The following GNAQ variants were observed in gnomAD, a reference collection of about 807,000 sequenced individuals.
GNAQ encodes the protein G protein subunit alpha q, also known as guanine nucleotide-binding protein G(q) subunit alpha.
In GNAQ, 8 loss-of-function variants were observed where a neutral mutation model predicts 43.9. The ratio of observed to expected loss-of-function variants is 0.18; its 90% CI spans 0.11 to 0.33. The LOEUF (loss-of-function observed/expected upper bound fraction) is 0.33, where lower values mean the gene tolerates loss of function less well. Ranked by LOEUF, GNAQ falls within the 10% of genes least tolerant of loss-of-function variation. GNAQ has a pLI of 1.00. For missense variants in GNAQ, 158 were observed against 450.8 expected, an observed-to-expected ratio of 0.35 and a Z score of 5.88; for synonymous variants, 155 against 170.7, an observed-to-expected ratio of 0.91 and a Z score of 0.71.
intron 2 of GNAQ, among the ~76,000 whole-genome samples, chr9:77,904,126 T>G (rs1828663050): frequency 6.6e-6 from 1 of 152,112 alleles, no homozygotes; most frequent in African/African-American, 2.4e-5. Flanking sequence ...GCTGAACACT[T>G]GCTAGAGCAA....
intron 2 of GNAQ, among the ~76,000 whole-genome samples, chr9:77,840,003 C>T (rs1013012904): frequency 1.1e-4 from 17 of 152,298 alleles, no homozygotes; most frequent in African/African-American, 4.1e-4. Context: ...GAGAGCATAA[C>T]CTTTCCAAAT....
chr9:78,000,174 G>T (rs771920381), intron 1 of GNAQ, among the ~76,000 whole-genome samples: 3 of 152,058 alleles, frequency 2.0e-5, no homozygotes, highest in African/African-American at 4.8e-5. Context: ...TAAAAAGAGG[G>T]TAATTAGCAT....
intron 2 of GNAQ, among the ~76,000 whole-genome samples, chr9:77,825,843 C>T (rs1827186286): frequency 6.6e-6 from 1 of 152,126 alleles, no homozygotes; most frequent in African/African-American, 2.4e-5. Flanking sequence ...CTCAGGCAAA[C>T]TAGGACTTAT....
intron 5 of GNAQ, among the ~76,000 whole-genome samples, chr9:77,776,027 A>G (rs1451676067): frequency 6.6e-6 from 1 of 152,258 alleles, no homozygotes; most frequent in Non-Finnish European, 1.5e-5. Flanking sequence ...TCTTTCCACA[A>G]AAGTGGCAAA....
chr9:77,901,580 T>G (rs1344782244), intron 2 of GNAQ, among the ~76,000 whole-genome samples: 1 of 152,130 alleles, frequency 6.6e-6, no homozygotes, highest in Non-Finnish European at 1.5e-5. Flanking sequence ...CCTCAATGTC[T>G]TATAAGTGTC....
chr9:77,899,832 T>TCTGTG, intron 2 of GNAQ, among the ~76,000 whole-genome samples: 3 of 152,138 alleles, frequency 2.0e-5, no homozygotes, highest in African/African-American at 7.2e-5. Flanking sequence ...TAAGCACATA[T>TCTGTG]CAAATGCACG....
At chr9:77,807,892 C>T (rs1172091013) in intron 3 of GNAQ, among the ~76,000 whole-genome samples, 1 of 152,110 alleles carries the variant, frequency 6.6e-6, no homozygotes, top group Non-Finnish European at 1.5e-5. Context: ...CCCGTTGGGT[C>T]CAAAGCAGCT....
In GNAQ at chr9:77,821,703, ATGT is replaced by A. The variant is rs1020743548; in HGVS notation, c.322-5936_322-5934del. On this transcript the variant is annotated intron_variant, in intron 2 of 6. Coordinates refer to ENST00000286548, the MANE Select transcript of GNAQ (RefSeq NM_002072.5). The stretch of plus-strand genomic sequence containing the variant: ...TTCTACTATTATCTTCATAATTATG[ATGT>A]TGTACTATCCTAGTATGGGTGTGTG... 8.8e-5 allele frequency among the ~76,000 whole-genome samples: 13 copies of A among 147,402 alleles called. No individual in the cohort carries two copies. In the East Asian group the frequency reaches 1.2e-3, roughly 14 times the overall value.
chr9:77,739,159 C>T lies in GNAQ; in HGVS notation c.736-10492G>A, dbSNP rs56188115. ...ACTCGTTTGATTGTTTCCTCTTAAG[C>T]GGGAGAGCTACCCTTTTAGAATCTT... On this transcript the variant is annotated intron_variant, in intron 5 of 6. Coordinates refer to ENST00000286548, the MANE Select transcript of GNAQ (RefSeq NM_002072.5). Among the ~76,000 whole-genome samples, 913 of 152,116 alleles carry T rather than the reference C, an allele frequency of 6.0e-3. 10 individuals carry two copies. The highest frequency in any genetic ancestry group is 0.021 in the African/African-American group (883 of 41,488).
intron 5 of GNAQ, among the ~76,000 whole-genome samples, chr9:77,749,548 A>G (rs185734394): frequency 2.0e-5 from 3 of 152,330 alleles, no homozygotes. Context: ...AATATACTAA[A>G]TGCATATAAT....
rs537761324 is a variant in GNAQ, at chr9:77,890,448, G to C, written c.321+31713C>G. Among the ~76,000 whole-genome samples the C allele has an allele frequency of 4.6e-5, 7 of 152,336 alleles. No homozygotes were observed. The East Asian group carries it at 7.7e-4, about 17-fold the overall frequency. On this transcript the variant is annotated intron_variant, in intron 2 of 6. Transcript: ENST00000286548. ...TCATAAAACTGCATTGCAAGGCTGG[G>C]CACAGTGGCTCATGCCTGTAATCCT...
chr9:77,989,608 C>T (rs1372218035), intron 1 of GNAQ, among the ~76,000 whole-genome samples: 2 of 152,202 alleles, frequency 1.3e-5, no homozygotes, highest in African/African-American at 4.8e-5. Flanking sequence ...AGCTGGAAGC[C>T]CTGTGGCGGG....
At chr9:77,762,164 G>A (rs1490311399) in intron 5 of GNAQ, among the ~76,000 whole-genome samples, 1 of 138,170 alleles carries the variant, frequency 7.2e-6, no homozygotes. Context: ...CCGTCCGGGA[G>A]GTGAGGGGCG....
chr9:77,968,070 G>A lies in GNAQ; in HGVS notation c.137-45725C>T, dbSNP rs578001098. 2.6e-5 allele frequency among the ~76,000 whole-genome samples: 4 copies of A among 152,238 alleles called. No homozygotes were observed. The East Asian group carries it at 7.7e-4, about 29-fold the overall frequency. ...ATTCTGCAATTAGATGGTGGTAATG[G>A]TTGCACAACTCTGCGAGTATACTAT... is the stretch of plus-strand genomic sequence containing the variant. On this transcript the variant is annotated intron_variant, in intron 1 of 6. Coordinates refer to ENST00000286548, the MANE Select transcript of GNAQ (RefSeq NM_002072.5).
At chr9:77,936,086 C>T (rs11145619) in intron 1 of GNAQ, among the ~76,000 whole-genome samples, 46,038 of 152,014 alleles carry the variant, frequency 0.3, 7,119 homozygotes, top group South Asian at 0.43. Context: ...GAAAGTACAT[C>T]GGTGCATTTT....
chr9:77,987,686 A>G (rs979246222), intron 1 of GNAQ, among the ~76,000 whole-genome samples: 1 of 152,138 alleles, frequency 6.6e-6, no homozygotes, highest in Non-Finnish European at 1.5e-5. Context: ...AATATAGACA[A>G]AATCTCTCAG....
At chr9:77,951,549 G>A (rs1822977995) in intron 1 of GNAQ, among the ~76,000 whole-genome samples, 1 of 152,084 alleles carries the variant, frequency 6.6e-6, no homozygotes, top group East Asian at 1.9e-4. Context: ...CAACTTTATA[G>A]TTTATTTACT....
intron 2 of GNAQ, among the ~76,000 whole-genome samples, chr9:77,853,824 A>G (rs927318022): frequency 2.7e-5 from 4 of 149,578 alleles, no homozygotes; most frequent in Admixed American, 2.7e-4. Context: ...TTTCATCAGG[A>G]AAAAAAAGCA....
intron 5 of GNAQ, among the ~76,000 whole-genome samples, chr9:77,763,063 C>G (rs543018310): frequency 6.6e-6 from 1 of 151,024 alleles, no homozygotes; most frequent in Admixed American, 6.6e-5. Flanking sequence ...CTGCCAAATC[C>G]CTCTCTGTGA....
Sources: allele counts gnomAD v4.1 joint callset (sites outside exome capture counted in the v4.1 genomes callset), GRCh38; gene constraint gnomAD v4.1.1; transcripts MANE v1.5; gene names NCBI Gene and HGNC (gene_info 2026-07-23, HGNC 2026-07-21).